TAFA1: variants seen among roughly 807,000 people sequenced by gnomAD.
TAFA1 encodes the protein chemokine-like protein TAFA-1.
TAFA1 carries 4 observed loss-of-function variants against 18.5 expected under a neutral mutation model. The ratio of observed to expected loss-of-function variants is 0.22; its 90% CI spans 0.11 to 0.49. The LOEUF is 0.49. Among genes scored for constraint, TAFA1 ranks in the 20% least tolerant of loss-of-function variants. The probability of loss-of-function intolerance (pLI) is 0.98; values close to 1 mark genes in which losing one functional copy is unlikely to be tolerated. For missense variants in TAFA1, 147 were observed against 169.0 expected (o/e 0.87, Z 0.72); for synonymous variants, 56 against 55.2 (o/e 1.01, Z -0.06).
chr3:68,364,948 G>C (rs72626990), intron 2 of TAFA1, among the ~76,000 whole-genome samples: 17,783 of 152,116 alleles, frequency 0.12, 1,294 homozygotes, highest in East Asian at 0.26. Flanking sequence ...ACCTAAACAT[G>C]TGTTTGCAGA....
At chr3:68,310,326 T>A (rs960255370) in intron 2 of TAFA1, among the ~76,000 whole-genome samples, 2 of 152,214 alleles carry the variant, frequency 1.3e-5, no homozygotes, top group Admixed American at 1.3e-4. Flanking sequence ...CAGTATCAGC[T>A]AAGTCAAGTA....
chr3:68,506,224 CT>C (rs2072750878), intron 3 of TAFA1, among the ~76,000 whole-genome samples: 1 of 152,076 alleles, frequency 6.6e-6, no homozygotes, highest in Admixed American at 6.6e-5. Context: ...TGAACTCATC[CT>C]TTTTATAGCT....
At chr3:68,272,396 T>C in intron 2 of TAFA1, among the ~76,000 whole-genome samples, 1 of 152,136 alleles carries the variant, frequency 6.6e-6, no homozygotes, top group East Asian at 1.9e-4. Flanking sequence ...ACCTAAAGCA[T>C]ATGGGGTTAT....
At position 68,244,972 on chromosome 3, in the gene TAFA1, AG is replaced by A. The variant is rs1391057684; in HGVS notation, c.119-172307del. On this transcript the variant is annotated intron_variant, in intron 2 of 4. Coordinates refer to ENST00000478136, the MANE Select transcript of TAFA1 (RefSeq NM_213609.4). ...TAACTTGAAAGCCTATAATATGCTT[AG>A]TAATAAAATGTTTTCTTACCAAAGG... Among the ~76,000 whole-genome samples the A allele has an allele frequency of 3.3e-5, 5 of 152,234 alleles. 1 individual carries two copies. The highest frequency in any genetic ancestry group is 3.3e-4 in the Admixed American group (5 of 15,278).
intron 2 of TAFA1, among the ~76,000 whole-genome samples, chr3:68,068,050 A>G (rs939200332): frequency 2.0e-5 from 3 of 152,194 alleles, no homozygotes; most frequent in Admixed American, 1.3e-4. Context: ...AGTTCTTCAC[A>G]TGGCAGTAAT....
At chr3:68,415,688 C>G (rs1277130314) in intron 2 of TAFA1, among the ~76,000 whole-genome samples, 1 of 152,068 alleles carries the variant, frequency 6.6e-6, no homozygotes, top group East Asian at 1.9e-4. Context: ...TATACAGACT[C>G]TACCATATGT....
At chr3:68,027,339 G>T (rs547475045) in intron 2 of TAFA1, among the ~76,000 whole-genome samples, 14 of 152,262 alleles carry the variant, frequency 9.2e-5, no homozygotes, top group African/African-American at 3.4e-4. Flanking sequence ...GGAAGATGTG[G>T]ATTGTTTCTA....
intron 2 of TAFA1, among the ~76,000 whole-genome samples, chr3:68,015,276 C>T (rs1455680883): frequency 8.2e-6 from 1 of 121,496 alleles, no homozygotes; most frequent in Non-Finnish European, 1.6e-5. Context: ...AATTTTCTTT[C>T]TTTCTTTTTT....
intron 2 of TAFA1, among the ~76,000 whole-genome samples, chr3:68,327,690 G>A (rs528465405): frequency 4.1e-4 from 62 of 152,254 alleles, no homozygotes; most frequent in African/African-American, 1.5e-3. Context: ...GGCATTAGTT[G>A]GGGTATTACT....
chr3:68,017,584 T>C (rs1008220776), intron 2 of TAFA1, among the ~76,000 whole-genome samples: 16 of 152,184 alleles, frequency 1.1e-4, no homozygotes, highest in African/African-American at 3.9e-4. Context: ...GAGTATCTCT[T>C]CTATCCAAAA....
At chr3:68,218,612 A>C (rs2066691446) in intron 2 of TAFA1, among the ~76,000 whole-genome samples, 1 of 152,112 alleles carries the variant, frequency 6.6e-6, no homozygotes, top group Non-Finnish European at 1.5e-5. Context: ...ACCTTCAAAT[A>C]CTGGAAAAGC....
At chr3:68,046,294 A>T (rs902074423) in intron 2 of TAFA1, among the ~76,000 whole-genome samples, 5 of 152,114 alleles carry the variant, frequency 3.3e-5, no homozygotes, top group African/African-American at 1.2e-4. Flanking sequence ...TATTTAGGTG[A>T]CTCTGATTGT....
chr3:68,411,398 AT>A (rs1258040328), intron 2 of TAFA1, among the ~76,000 whole-genome samples: 1 of 152,206 alleles, frequency 6.6e-6, no homozygotes, highest in Non-Finnish European at 1.5e-5. Context: ...TCCATGGCAG[AT>A]TTGTTATTCA....
At chr3:68,289,081 G>A (rs1047346278) in intron 2 of TAFA1, among the ~76,000 whole-genome samples, 3 of 152,180 alleles carry the variant, frequency 2.0e-5, no homozygotes, top group African/African-American at 7.2e-5. Flanking sequence ...CACAAAGTAT[G>A]TGACCACTGC....
At chr3:68,049,584 G>C (rs1472351727) in intron 2 of TAFA1, among the ~76,000 whole-genome samples, 7 of 151,908 alleles carry the variant, frequency 4.6e-5, no homozygotes, top group African/African-American at 1.7e-4. Context: ...CTGGGGAAAT[G>C]GTAGCCCTGA....
chr3:68,287,107 A>G (rs1435757212), intron 2 of TAFA1, among the ~76,000 whole-genome samples: 1 of 152,214 alleles, frequency 6.6e-6, no homozygotes, highest in Non-Finnish European at 1.5e-5. Flanking sequence ...TGCATGTCCA[A>G]GTGGAGACCC....
chr3:68,173,518 C>A (rs1350488736), intron 2 of TAFA1, among the ~76,000 whole-genome samples: 1 of 152,090 alleles, frequency 6.6e-6, no homozygotes, highest in Non-Finnish European at 1.5e-5. Context: ...AATTGGAATT[C>A]TAGATTTTAA....
intron 2 of TAFA1, among the ~76,000 whole-genome samples, chr3:68,318,450 G>A (rs1243536273): frequency 2.6e-5 from 4 of 152,184 alleles, no homozygotes; most frequent in African/African-American, 9.7e-5. Context: ...TCAGGTATAA[G>A]GGATCTTTAA....
At chr3:68,124,707 G>C (rs7433519) in intron 2 of TAFA1, among the ~76,000 whole-genome samples, 107,661 of 151,692 alleles carry the variant, frequency 0.71, 38,344 homozygotes, top group South Asian at 0.77. Flanking sequence ...GAAACCAGTG[G>C]CTGGAGAATT....
Sources: allele counts gnomAD v4.1 joint callset (sites outside exome capture counted in the v4.1 genomes callset), GRCh38; gene constraint gnomAD v4.1.1; transcripts MANE v1.5; gene names NCBI Gene and HGNC (gene_info 2026-07-23, HGNC 2026-07-21).